Variants in DLGAP2 observed in about 807,000 individuals in gnomAD.
The protein encoded by DLGAP2 is disks large-associated protein 2.
In DLGAP2, 26 loss-of-function variants were observed where a neutral mutation model predicts 100.3. The ratio of observed to expected loss-of-function variants is 0.26; its 90% confidence interval spans 0.19 to 0.36. The LOEUF is 0.36. DLGAP2 is among the 10% of genes least tolerant of loss of function. The pLI is 1.00. For synonymous variants in DLGAP2, 886 were observed against 630.1 expected, an observed-to-expected ratio of 1.41 and a Z score of -6.08; for missense variants, 1,858 against 1,453.2, an observed-to-expected ratio of 1.28 and a Z score of -4.53.
chr8:1,453,692 G>A (rs773039739), intron 3 of DLGAP2, among the ~76,000 whole-genome samples: 2 of 152,114 alleles, frequency 1.3e-5, no homozygotes, highest in African/African-American at 2.4e-5. Flanking sequence ...CCTGAGAAGC[G>A]GGAGAATCCG....
At chr8:1,587,319 G>T (rs1036425705) in intron 6 of DLGAP2, among the ~76,000 whole-genome samples, 19 of 152,288 alleles carry the variant, frequency 1.2e-4, no homozygotes, top group African/African-American at 3.8e-4. Context: ...GCCAGCTTCA[G>T]GGGGATGGTC....
At chr8:1,691,771 G>A (rs73549746) in intron 13 of DLGAP2, 145 bp downstream of exon 13, 21,405 of 738,170 alleles carry the variant, frequency 0.029, 2,276 homozygotes, top group African/African-American at 0.27. Context: ...GAGGCTTCCC[G>A]CCCTGGGGAA....
At position 805,800 on chromosome 8, in the gene DLGAP2, A is replaced by G. The variant is rs190354212; in HGVS notation, c.18+67975A>G. 6.8e-4 allele frequency among the ~76,000 whole-genome samples: 103 copies of G among 152,272 alleles called. 2 individuals are homozygous for G. The highest frequency in any genetic ancestry group is 6.7e-3 in the Admixed American group (103 of 15,304). On this transcript the variant is annotated intron_variant, in intron 1 of 14. Transcript: ENST00000637795. ...CGGCCTCCCAAAGCGCAGGGATTAC[A>G]TGCGTGAGCCACCGCACGCAGCCTG...
At chr8:1,250,011 G>C (rs1799002169) in intron 2 of DLGAP2, among the ~76,000 whole-genome samples, 1 of 152,118 alleles carries the variant, frequency 6.6e-6, no homozygotes, top group Non-Finnish European at 1.5e-5. Flanking sequence ...CTCCCGAGTA[G>C]CTGAGACTAC....
intron 2 of DLGAP2, among the ~76,000 whole-genome samples, chr8:1,011,353 C>A (rs2129020882): frequency 6.8e-6 from 1 of 146,756 alleles, no homozygotes; most frequent in Non-Finnish European, 1.5e-5. Flanking sequence ...GCACAGTGAG[C>A]CCTGGAATGA....
chr8:1,062,106 C>T (rs375578324), intron 2 of DLGAP2, among the ~76,000 whole-genome samples: 6 of 152,058 alleles, frequency 3.9e-5, no homozygotes, highest in East Asian at 3.9e-4. Flanking sequence ...GGAGGAGAGC[C>T]GTGCATGGTA....
intron 2 of DLGAP2, among the ~76,000 whole-genome samples, chr8:1,110,655 A>C (rs1804925839): frequency 6.6e-6 from 1 of 151,874 alleles, no homozygotes; most frequent in Non-Finnish European, 1.5e-5. Flanking sequence ...AGGGGAAAAC[A>C]ATGAGAAACC....
chr8:1,517,919 T>C (rs1468156373), intron 4 of DLGAP2, among the ~76,000 whole-genome samples: 1 of 152,220 alleles, frequency 6.6e-6, no homozygotes, highest in African/African-American at 2.4e-5. Flanking sequence ...CCCCACGGTA[T>C]GTTGTTTGGA....
intron 1 of DLGAP2, among the ~76,000 whole-genome samples, chr8:754,583 G>A (rs1053720281): frequency 3.9e-5 from 6 of 152,224 alleles, no homozygotes; most frequent in African/African-American, 7.2e-5. Context: ...GCCCAGGTGC[G>A]GGGCTTACAC....
At chr8:1,690,912 C>T (rs1799243569) in intron 12 of DLGAP2, among the ~76,000 whole-genome samples, 1 of 151,928 alleles carries the variant, frequency 6.6e-6, no homozygotes, top group Admixed American at 6.6e-5. Context: ...TAACTTGTGA[C>T]CCTTTTACCA....
intron 1 of DLGAP2, among the ~76,000 whole-genome samples, chr8:771,864 G>A (rs1271866520): frequency 6.6e-6 from 1 of 152,190 alleles, no homozygotes; most frequent in African/African-American, 2.4e-5. Context: ...AACTGATTGT[G>A]TCTGGTGGGG....
chr8:1,564,004 G>C (rs1802289783), intron 5 of DLGAP2, among the ~76,000 whole-genome samples: 1 of 152,202 alleles, frequency 6.6e-6, no homozygotes, highest in African/African-American at 2.4e-5. Flanking sequence ...TCTGTAAACA[G>C]CATTTGGGGA....
At position 1,049,827 on chromosome 8, in the gene DLGAP2, T is replaced by C. The variant is rs1053450900; in HGVS notation, c.73+141861T>C. On this transcript the variant is annotated intron_variant, in intron 2 of 14. Transcript: ENST00000637795. ...ACAGGTGTGCATACGTGTACACATA[T>C]GCATAGGCAGTCACATGTGTGGATA... Among the ~76,000 whole-genome samples, 8 of 152,118 alleles carry C rather than the reference T, an allele frequency of 5.3e-5. 1 individual carries two copies. Among genetic ancestry groups the C allele is most frequent in the African/African-American group, 1.9e-4 (8 of 41,408 alleles).
chr8:1,267,102 G>T (rs984577696), intron 3 of DLGAP2, among the ~76,000 whole-genome samples: 1 of 151,706 alleles, frequency 6.6e-6, no homozygotes, highest in African/African-American at 2.4e-5. Flanking sequence ...CGTGGGGGTG[G>T]GTGCCTGTAG....
At chr8:1,511,634 A>C (rs1800166838) in intron 4 of DLGAP2, among the ~76,000 whole-genome samples, 1 of 151,682 alleles carries the variant, frequency 6.6e-6, no homozygotes, top group African/African-American at 2.4e-5. Flanking sequence ...TAGGACAATC[A>C]GTAGATGACC....
intron 8 of DLGAP2, among the ~76,000 whole-genome samples, chr8:1,659,112 C>G (rs987827890): frequency 1.3e-5 from 2 of 152,150 alleles, no homozygotes; most frequent in Admixed American, 6.5e-5. Flanking sequence ...AGTAGTCATT[C>G]AGGAGCAGAT....
intron 3 of DLGAP2, among the ~76,000 whole-genome samples, chr8:1,431,552 C>G (rs1213241788): frequency 6.6e-6 from 1 of 152,218 alleles, no homozygotes; most frequent in Admixed American, 6.5e-5. Context: ...AGCAGCCGTT[C>G]ATGCACGAGT....
rs1802378322 is a variant in DLGAP2, at chr8:1,565,875, C to T, written c.1423C>T (p.Pro475Ser). 6.2e-7 allele frequency: 1 copy of T among 1,608,554 alleles called. No homozygotes were observed. Among genetic ancestry groups the T allele is most frequent in the African/African-American group, 1.3e-5 (1 of 74,798 alleles). Reference protein sequence around the residue: ...EPLLKSIGQRPLGEHQTQTYL... With the variant: ...EPLLKSIGQRSLGEHQTQTYL... ...GCTGCTGAAGTCCATCGGACAGAGA[C>T]CGCTTGGAGAGCACCAGACGTAAGT... The change falls in exon 6 of 15, where the codon CCG becomes TCG. Residue 475 changes from proline to serine, a missense_variant. Physicochemically the swap from Pro to Ser is moderately conservative, Grantham distance 74. Coordinates refer to ENST00000637795, the MANE Select transcript of DLGAP2 (RefSeq NM_001346810.2).
intron 8 of DLGAP2, among the ~76,000 whole-genome samples, chr8:1,645,150 A>C (rs148095593): frequency 6.6e-6 from 1 of 152,374 alleles, no homozygotes; most frequent in African/African-American, 2.4e-5. Context: ...GAATGAATGA[A>C]ACAGAATCAT....
Sources: gnomAD v4.1 joint callset for allele counts (sites outside exome capture counted in the v4.1 genomes callset) on GRCh38, gnomAD v4.1.1 for gene constraint, MANE v1.5 for transcripts, NCBI Gene and HGNC (gene_info 2026-07-23, HGNC 2026-07-21) for gene names.